Variants in ZNF420 observed in about 807,000 individuals in gnomAD.
ZNF420 encodes the protein zinc finger protein 420, also known as ATM and p53-associated KZNF protein.
Under a neutral mutation model 44.7 loss-of-function variants are expected in ZNF420, and 31 were observed. The observed-to-expected ratio is 0.69, with a 90% CI of 0.52 to 0.94. The LOEUF is 0.94. Among genes scored for constraint, ZNF420 ranks in the 40% least tolerant of loss-of-function variants. The pLI, the probability that ZNF420 is intolerant of heterozygous loss-of-function variation, is 0.00. For missense variants in ZNF420, 681 were observed against 827.9 expected (o/e 0.82, Z 2.18); for synonymous variants, 245 against 267.4 (o/e 0.92, Z 0.82).
At chr19:37,113,039 G>A (rs1264553639) in intron 4 of ZNF420, among the ~76,000 whole-genome samples, 2 of 152,128 alleles carry the variant, frequency 1.3e-5, no homozygotes, top group Non-Finnish European at 2.9e-5. Flanking sequence ...GTGACAGTGG[G>A]GGTTGTTGTC....
intron 1 of ZNF420, among the ~76,000 whole-genome samples, chr19:37,051,603 T>C (rs982310392): frequency 1.3e-5 from 2 of 152,198 alleles, no homozygotes; most frequent in South Asian, 2.1e-4. Context: ...ATTTGATTCT[T>C]CTCTCTTTTC....
Position 37,011,682 on chromosome 19 carries a change from G to A in ZNF420, c.-125+3600G>A, listed in dbSNP as rs573558228. On this transcript the variant is annotated intron_variant, in intron 1 of 4. Coordinates refer to the ZNF420 transcript ENST00000587029. ...CTTTGCTTTTCCTTGACGTTGTTGG[G>A]GAGGTCACCTGTGCCCCCCTTCCAC... 3.1e-3 allele frequency among the ~76,000 whole-genome samples: 472 copies of A among 152,242 alleles called. 3 individuals are homozygous for A. The highest frequency in any genetic ancestry group is 0.011 in the African/African-American group (450 of 41,526).
chr19:37,077,370 T>A (rs183227325), upstream of ZNF420, among the ~76,000 whole-genome samples: 1,055 of 152,324 alleles, frequency 6.9e-3, 12 homozygotes, highest in Non-Finnish European at 0.011. Flanking sequence ...TACCCAGTAA[T>A]AAGAGAAACT....
chr19:37,127,146 C>A lies in ZNF420; in HGVS notation c.155C>A (p.Ala52Glu). 6.7e-7 allele frequency: 1 copy of A among 1,496,278 alleles called. No homozygotes were observed. 92.7% of individuals were successfully genotyped at this position (1,496,278 alleles called of 1,614,324 possible). ...LVSLDLPSRCASKDLSPEKNT... is the reference protein window; with the variant it reads ...LVSLDLPSRCESKDLSPEKNT... ...CTTTCAGACTTGCCTTCAAGGTGTGCAAGTAAGGACTTATCTCCAGAAAAG... is the reference window on the plus strand; with the variant it reads ...CTTTCAGACTTGCCTTCAAGGTGTGAAAGTAAGGACTTATCTCCAGAAAAG... The change falls in exon 5 of 5, where the codon GCA becomes GAA. Residue 52 changes from alanine (A) to glutamate (E), a missense_variant. Ala to Glu is a moderately radical substitution (Grantham distance 107). Around this residue, in one of 3 missense-constraint regions of ZNF420, gnomAD observed 350 missense variants for 382.5 expected, o/e 0.92. Transcript: ENST00000337995.
chr19:37,042,913 CA>C (rs1378677994), intron 1 of ZNF420, among the ~76,000 whole-genome samples: 9 of 152,098 alleles, frequency 5.9e-5, no homozygotes, highest in African/African-American at 2.2e-4. Context: ...GAGGATTATT[CA>C]TTGACATAAT....
intron 4 of ZNF420, among the ~76,000 whole-genome samples, chr19:37,122,247 A>T (rs576241377): frequency 0.024 from 3,665 of 152,314 alleles, 158 homozygotes; most frequent in African/African-American, 0.083. Context: ...GATTAAGAAA[A>T]TGTGGCACAT....
At chr19:37,119,772 T>TA (rs1457665660) in intron 4 of ZNF420, among the ~76,000 whole-genome samples, 43 of 151,850 alleles carry the variant, frequency 2.8e-4, no homozygotes, top group Non-Finnish European at 5.9e-5. Flanking sequence ...ATAGATGCAA[T>TA]AAAAAATGAT....
chr19:37,109,399 T>C (rs1970265444), intron 4 of ZNF420: 1 of 151,948 alleles, frequency 6.6e-6, no homozygotes, highest in East Asian at 1.9e-4. Context: ...CCACCATTGA[T>C]ACAATCATCA....
At chr19:37,115,456 A>G (rs1480027009) in intron 4 of ZNF420, among the ~76,000 whole-genome samples, 1 of 151,932 alleles carries the variant, frequency 6.6e-6, no homozygotes, top group Non-Finnish European at 1.5e-5. Flanking sequence ...TCAGCAGGAA[A>G]ACATGTGAAC....
chr19:37,073,852 G>A (rs541367387), upstream of ZNF420, among the ~76,000 whole-genome samples: 91 of 151,990 alleles, frequency 6.0e-4, 5 homozygotes, highest in South Asian at 0.018. Flanking sequence ...ATGGGGACAC[G>A]GGCACCAGCG....
intron 1 of ZNF420, among the ~76,000 whole-genome samples, chr19:37,069,566 TA>T (rs1271382302): frequency 4.6e-5 from 7 of 152,126 alleles, no homozygotes; most frequent in African/African-American, 1.7e-4. Context: ...TTATATTACC[TA>T]CCAGTTAGAT....
chr19:37,125,938 AG>A (rs147671936), intron 4 of ZNF420, among the ~76,000 whole-genome samples: 2,659 of 152,216 alleles, frequency 0.017, 41 homozygotes, highest in Middle Eastern at 0.054. Context: ...CCTATCCTCC[AG>A]TTATTGTTGC....
At chr19:37,015,219 T>C (rs2074601153) in intron 1 of ZNF420, among the ~76,000 whole-genome samples, 1 of 152,228 alleles carries the variant, frequency 6.6e-6, no homozygotes, top group Admixed American at 6.5e-5. Flanking sequence ...CAAGTCCACC[T>C]ACCTTCTGAT....
chr19:37,083,168 CTTTT>C (rs754635723), intron 2 of ZNF420, among the ~76,000 whole-genome samples: 1 of 137,294 alleles, frequency 7.3e-6, no homozygotes, highest in Non-Finnish European at 1.6e-5. Context: ...CCCGTTTTTG[CTTTT>C]TTTTTTTTTT....
At chr19:37,014,358 C>CTGTG (rs2074593911) in intron 1 of ZNF420, among the ~76,000 whole-genome samples, 1 of 152,180 alleles carries the variant, frequency 6.6e-6, no homozygotes, top group Admixed American at 6.5e-5. Flanking sequence ...GCCCCAGCGA[C>CTGTG]CCCCTTCACA....
At chr19:37,068,906 A>C (rs888679697) in intron 1 of ZNF420, among the ~76,000 whole-genome samples, 9 of 152,162 alleles carry the variant, frequency 5.9e-5, no homozygotes, top group Non-Finnish European at 1.2e-4. Context: ...ATTTTCCATG[A>C]AGATATAAAA....
intron 2 of ZNF420, among the ~76,000 whole-genome samples, chr19:37,081,671 G>A (rs892906224): frequency 2.0e-5 from 3 of 150,136 alleles, no homozygotes; most frequent in Admixed American, 6.6e-5. Flanking sequence ...GAATACAGGC[G>A]GGCACGACCA....
intron 1 of ZNF420, among the ~76,000 whole-genome samples, chr19:37,066,182 C>T (rs2146447976): frequency 6.6e-6 from 1 of 152,328 alleles, no homozygotes; most frequent in African/African-American, 2.4e-5. Context: ...GCGGCTCACG[C>T]CTGTAATCCC....
At chr19:37,030,354 G>A (rs902683759) in intron 1 of ZNF420, among the ~76,000 whole-genome samples, 2 of 152,120 alleles carry the variant, frequency 1.3e-5, no homozygotes, top group Admixed American at 1.3e-4. Context: ...GCAGAGACGG[G>A]GTTTCACCGT....
Sources: allele counts gnomAD v4.1 joint callset (sites outside exome capture counted in the v4.1 genomes callset), GRCh38; gene constraint gnomAD v4.1.1; regional missense constraint gnomAD v4.1.1; transcripts MANE v1.5; gene names NCBI Gene and HGNC (gene_info 2026-07-23, HGNC 2026-07-21).